KLHDC1: variants seen among roughly 807,000 people sequenced by gnomAD.
KLHDC1 encodes kelch domain-containing protein 1.
In KLHDC1, 53 loss-of-function variants were observed where a neutral mutation model predicts 68.3. The ratio of observed to expected loss-of-function variants is 0.78; its 90% CI spans 0.62 to 0.98. The LOEUF (loss-of-function observed/expected upper bound fraction) is 0.98. Among genes scored for constraint, KLHDC1 ranks in the 50% least tolerant of loss-of-function variants. The pLI is 0.00. For missense variants in KLHDC1, 470 were observed against 492.3 expected (o/e 0.95, Z 0.43); for synonymous variants, 148 against 159.0 (o/e 0.93, Z 0.52).
At chr14:49,749,677 C>CA (rs1191978580) in intron 12 of KLHDC1, among the ~76,000 whole-genome samples, 1,781 of 52,562 alleles carry the variant, frequency 0.034, 43 homozygotes, top group East Asian at 0.15. Flanking sequence ...GACTCCGTCT[C>CA]AAAAAAAAAA....
chr14:49,711,531 G>A (rs947852542), intron 4 of KLHDC1, among the ~76,000 whole-genome samples: 1 of 151,826 alleles, frequency 6.6e-6, no homozygotes, highest in African/African-American at 2.4e-5. Flanking sequence ...GTAGAGATGG[G>A]GTTTCACCAT....
intron 11 of KLHDC1, among the ~76,000 whole-genome samples, chr14:49,742,128 C>T (rs1469561167): frequency 1.3e-5 from 2 of 152,178 alleles, no homozygotes; most frequent in Non-Finnish European, 2.9e-5. Context: ...ACTACAACTT[C>T]GCATTTATTA....
chr14:49,705,365 CTTTTTTT>C (rs59444333), intron 1 of KLHDC1, among the ~76,000 whole-genome samples: 1 of 71,664 alleles, frequency 1.4e-5, no homozygotes, highest in Non-Finnish European at 2.4e-5. Context: ...TTCTTTCTTT[CTTTTTTT>C]TTTTTTTTTT....
intron 1 of KLHDC1, among the ~76,000 whole-genome samples, chr14:49,693,742 C>CTTTTTTTTTTTTTTTTTTTTTT (rs1566589138): frequency 1.3e-4 from 8 of 60,976 alleles, no homozygotes; most frequent in South Asian, 1.1e-3. Context: ...ATTTTCTTTT[C>CTTTTTTTTTTTTTTTTTTTTTT]TTTTTCTTTT....
intron 11 of KLHDC1, among the ~76,000 whole-genome samples, chr14:49,740,698 T>C (rs1332082311): frequency 6.6e-6 from 1 of 152,150 alleles, no homozygotes; most frequent in African/African-American, 2.4e-5. Flanking sequence ...TCAAAATAGG[T>C]CTATTAGTTT....
At chr14:49,732,624 T>TG in intron 8 of KLHDC1, 80 bp from the exon 9 acceptor site, 2 of 625,780 alleles carry the variant, frequency 3.2e-6, no homozygotes, top group Non-Finnish European at 5.3e-6. Flanking sequence ...GGCAGATTTT[T>TG]TTTTTAAGAT....
intron 1 of KLHDC1, among the ~76,000 whole-genome samples, chr14:49,694,749 G>T (rs1193588808): frequency 6.6e-6 from 1 of 152,136 alleles, no homozygotes; most frequent in Non-Finnish European, 1.5e-5. Context: ...AGCTACTCGG[G>T]AGGCTGAGGC....
At chr14:49,734,179 T>G (rs753255326) in intron 9 of KLHDC1, among the ~76,000 whole-genome samples, 2 of 152,202 alleles carry the variant, frequency 1.3e-5, no homozygotes, top group Non-Finnish European at 2.9e-5. Context: ...AGTCTAAGAT[T>G]TGGTCATATG....
At chr14:49,699,238 A>T (rs1392985199) in intron 1 of KLHDC1, among the ~76,000 whole-genome samples, 1 of 151,026 alleles carries the variant, frequency 6.6e-6, no homozygotes, top group Non-Finnish European at 1.5e-5. Flanking sequence ...TCTCCTGTTT[A>T]TTAATTCAGT....
chr14:49,700,719 C>T (rs933224887), intron 1 of KLHDC1, among the ~76,000 whole-genome samples: 1 of 152,206 alleles, frequency 6.6e-6, no homozygotes, highest in Non-Finnish European at 1.5e-5. Context: ...GATATTAAAA[C>T]ATGTCACAAT....
intron 11 of KLHDC1, among the ~76,000 whole-genome samples, chr14:49,740,995 G>A (rs894903128): frequency 1.3e-4 from 20 of 152,212 alleles, no homozygotes; most frequent in Non-Finnish European, 2.4e-4. Context: ...TTAGGAGGCT[G>A]AGGCACGAGA....
intron 9 of KLHDC1, among the ~76,000 whole-genome samples, chr14:49,733,106 A>C (rs928717694): frequency 6.6e-6 from 1 of 152,172 alleles, no homozygotes; most frequent in Admixed American, 6.6e-5. Flanking sequence ...TTTGATCCAG[A>C]TGCTTGTACT....
Position 49,749,978 on chromosome 14 carries a change from T to A in KLHDC1, c.1035-1608T>A, listed in dbSNP as rs186494009. Among the ~76,000 whole-genome samples the A allele has an allele frequency of 3.2e-4, 49 of 152,242 alleles. 1 individual carries two copies. Among genetic ancestry groups the A allele is most frequent in the Middle Eastern group, 3.4e-3 (1 of 294 alleles). On this transcript the variant is annotated intron_variant, in intron 12 of 12. Coordinates refer to ENST00000359332, the MANE Select transcript of KLHDC1 (RefSeq NM_172193.3). ...AGGAGGCTGAGGCAGGAGAATCGCT[T>A]GAACCCAGGAGTGGGAGGTTGCAGT...
chr14:49,723,171 G>A (rs1888578727), intron 4 of KLHDC1, among the ~76,000 whole-genome samples: 1 of 146,840 alleles, frequency 6.8e-6, no homozygotes, highest in Non-Finnish European at 1.5e-5. Context: ...GTCAGGGAAA[G>A]ACCTGTCCTC....
intron 1 of KLHDC1, among the ~76,000 whole-genome samples, chr14:49,707,295 T>TGAGAGA (rs778638903): frequency 1.8e-3 from 247 of 139,876 alleles, no homozygotes; most frequent in African/African-American, 6.4e-3. Flanking sequence ...TGTGTGTGTG[T>TGAGAGA]GTGAGAGAGA....
At chr14:49,715,765 A>T (rs76981011) in intron 4 of KLHDC1, among the ~76,000 whole-genome samples, 43,437 of 52,912 alleles carry the variant, frequency 0.82, 18,015 homozygotes, top group East Asian at 0.89. Flanking sequence ...AAAAAAAAAA[A>T]ATATATATAT....
chr14:49,700,157 G>C (rs1342316609), intron 1 of KLHDC1: 2 of 226,948 alleles, frequency 8.8e-6, no homozygotes, highest in African/African-American at 4.8e-5. Flanking sequence ...CTCCCGAGTA[G>C]CTGGGACTAC....
intron 1 of KLHDC1, among the ~76,000 whole-genome samples, chr14:49,700,861 A>C (rs1345700484): frequency 6.6e-6 from 1 of 152,142 alleles, no homozygotes; most frequent in Non-Finnish European, 1.5e-5. Flanking sequence ...CAGGCGGATC[A>C]CCTGAGGTCA....
intron 1 of KLHDC1, among the ~76,000 whole-genome samples, chr14:49,701,534 C>T (rs796577740): frequency 1.6e-4 from 25 of 152,140 alleles, no homozygotes; most frequent in African/African-American, 6.0e-4. Flanking sequence ...TGGTGCATGC[C>T]TGTAATCCCA....
Sources: gnomAD v4.1 joint callset for allele counts (sites outside exome capture counted in the v4.1 genomes callset) on GRCh38, gnomAD v4.1.1 for gene constraint, MANE v1.5 for transcripts, NCBI Gene and HGNC (gene_info 2026-07-23, HGNC 2026-07-21) for gene names.